L3MBTL4: variants seen among roughly 807,000 people sequenced by gnomAD.
L3MBTL4 encodes L3MBTL histone methyl-lysine binding protein 4.
In L3MBTL4, 70 loss-of-function variants were observed where a neutral mutation model predicts 84.5. That is an observed-to-expected ratio of 0.83 (90% CI 0.68 to 1.01). L3MBTL4 has a LOEUF of 1.01. Among genes scored for constraint, L3MBTL4 ranks in the 50% least tolerant of loss-of-function variants. The probability of loss-of-function intolerance (pLI) is 0.00; values close to 1 mark genes in which losing one functional copy is unlikely to be tolerated. For missense variants in L3MBTL4, 715 were observed against 754.8 expected (o/e 0.95, Z 0.62); for synonymous variants, 274 against 259.8 (o/e 1.05, Z -0.52).
chr18:6,187,876 A>AT (rs1469081767), intron 12 of L3MBTL4, among the ~76,000 whole-genome samples: 1 of 152,128 alleles, frequency 6.6e-6, no homozygotes, highest in African/African-American at 2.4e-5. Context: ...CAAAAAAAAA[A>AT]AAAAAAAGTG....
chr18:6,005,951 A>G (rs891021082), intron 16 of L3MBTL4, among the ~76,000 whole-genome samples: 2 of 152,166 alleles, frequency 1.3e-5, no homozygotes, highest in Admixed American at 1.3e-4. Context: ...TTACATTCCC[A>G]CTAGCAGTGT....
At chr18:6,391,752 A>AACTACTACTACTACTACTACTACTT (rs2055061934) in intron 1 of L3MBTL4, among the ~76,000 whole-genome samples, 2 of 150,006 alleles carry the variant, frequency 1.3e-5, no homozygotes, top group African/African-American at 5.0e-5. Context: ...CAACAACAAC[A>AACTACTACTACTACTACTACTACTT]ACTACTACTA....
chr18:5,970,923 G>C (rs1431313138), intron 16 of L3MBTL4, among the ~76,000 whole-genome samples: 1 of 152,208 alleles, frequency 6.6e-6, no homozygotes. Context: ...CACTCTCGTG[G>C]ATCGGAACAG....
rs747394140 is a variant in L3MBTL4 at position 6,213,274 on chromosome 18, A to G, written c.871-15T>C. 6.2e-6 allele frequency: 9 copies of G among 1,451,006 alleles called. No individual in the cohort carries two copies. Among genetic ancestry groups the G allele is most frequent in the East Asian group, 2.3e-5 (1 of 43,850 alleles). 89.9% of individuals were successfully genotyped at this position (1,451,006 alleles called of 1,614,324 possible). On this transcript the variant is annotated splice_polypyrimidine_tract_variant and intron_variant, in intron 11 of 18. Coordinates refer to ENST00000317931, the MANE Select transcript of L3MBTL4 (RefSeq NM_001330559.2). ...TGAGGCAACCTCTGTAAATGTTATTATAAGTACAACAAATCATGCAAAATT... is the reference window on the plus strand; with the variant it reads ...TGAGGCAACCTCTGTAAATGTTATTGTAAGTACAACAAATCATGCAAAATT...
chr18:6,066,126 A>G (rs932088002), intron 16 of L3MBTL4, among the ~76,000 whole-genome samples: 4 of 152,252 alleles, frequency 2.6e-5, no homozygotes, highest in Admixed American at 2.0e-4. Context: ...AAAATTATTC[A>G]AGAGCAAATT....
At position 6,290,508 on chromosome 18, in the gene L3MBTL4, C is replaced by T. The variant is rs556120480; in HGVS notation, c.127+11395G>A. ...GAATGACTTTAATTTTACAAGTGAACTGACTGGAATTCTTTTATTTTTTTT... is the reference window on the plus strand; with the variant it reads ...GAATGACTTTAATTTTACAAGTGAATTGACTGGAATTCTTTTATTTTTTTT... On this transcript the variant is annotated intron_variant, in intron 4 of 18. Transcript: ENST00000317931. 2.9e-4 allele frequency among the ~76,000 whole-genome samples: 44 copies of T among 151,308 alleles called. 1 individual carries two copies. The South Asian group carries it at 7.5e-3, about 26-fold the overall frequency.
chr18:6,284,124 T>G (rs531573537), intron 4 of L3MBTL4, among the ~76,000 whole-genome samples: 1 of 152,214 alleles, frequency 6.6e-6, no homozygotes, highest in Non-Finnish European at 1.5e-5. Context: ...TGTTGTTTGG[T>G]ATCATTCAAT....
rs571552470 is a variant in L3MBTL4, at chr18:6,200,081, G to A, written c.981+13068C>T. On this transcript the variant is annotated intron_variant, in intron 12 of 18. Coordinates refer to ENST00000317931, the MANE Select transcript of L3MBTL4 (RefSeq NM_001330559.2). ...GGAGTGGTAAAGAAGAGGGGTTAAG[G>A]GATATATTCACAGAGGCCACTACTG... is the stretch of plus-strand genomic sequence containing the variant. Among the ~76,000 whole-genome samples the A allele has an allele frequency of 2.0e-5, 3 of 152,262 alleles. No individual in the cohort carries two copies. The South Asian group carries it at 6.2e-4, about 32-fold the overall frequency.
chr18:6,225,660 T>G (rs1382602683), intron 10 of L3MBTL4, among the ~76,000 whole-genome samples: 6 of 150,820 alleles, frequency 4.0e-5, no homozygotes, highest in Non-Finnish European at 7.4e-5. Flanking sequence ...CTCAGGAGGC[T>G]GAGGTGGGAG....
chr18:6,234,382 C>T (rs964890707), intron 10 of L3MBTL4, among the ~76,000 whole-genome samples: 7 of 152,120 alleles, frequency 4.6e-5, no homozygotes, highest in African/African-American at 1.7e-4. Flanking sequence ...AACAGGCAAC[C>T]TACAGAATGG....
At chr18:6,317,684 G>A (rs950065459) in intron 1 of L3MBTL4, among the ~76,000 whole-genome samples, 4 of 152,164 alleles carry the variant, frequency 2.6e-5, no homozygotes, top group African/African-American at 9.7e-5. Context: ...ATTACTTGAT[G>A]GAATAATAGA....
chr18:6,060,674 T>A (rs767784295), intron 16 of L3MBTL4, among the ~76,000 whole-genome samples: 3 of 152,138 alleles, frequency 2.0e-5, no homozygotes, highest in Non-Finnish European at 4.4e-5. Context: ...ATGACATGTA[T>A]CCACTATTGT....
chr18:6,383,607 G>A (rs2054690142), intron 1 of L3MBTL4, among the ~76,000 whole-genome samples: 1 of 152,140 alleles, frequency 6.6e-6, no homozygotes, highest in Non-Finnish European at 1.5e-5. Flanking sequence ...GCGACGCCCT[G>A]CCCTGTTTCG....
chr18:6,185,022 G>T (rs1161357670), intron 12 of L3MBTL4, among the ~76,000 whole-genome samples: 1 of 152,206 alleles, frequency 6.6e-6, no homozygotes, highest in Non-Finnish European at 1.5e-5. Context: ...AGGAAAAGAA[G>T]CAGGGTTTTG....
intron 4 of L3MBTL4, among the ~76,000 whole-genome samples, chr18:6,277,070 A>G (rs1225100083): frequency 7.1e-6 from 1 of 141,606 alleles, no homozygotes; most frequent in Admixed American, 7.8e-5. Flanking sequence ...CTTACCCTAG[A>G]GTGTTTATTA....
At chr18:6,244,754 T>C (rs943488905) in intron 5 of L3MBTL4, among the ~76,000 whole-genome samples, 166 bp from the exon 6 acceptor site, 2 of 152,170 alleles carry the variant, frequency 1.3e-5, no homozygotes, top group South Asian at 4.1e-4. Flanking sequence ...GGGGAGATGC[T>C]GGTCAAAGGG....
intron 1 of L3MBTL4, among the ~76,000 whole-genome samples, chr18:6,374,992 T>A (rs2054308416): frequency 6.6e-6 from 1 of 152,156 alleles, no homozygotes; most frequent in Admixed American, 6.5e-5. Flanking sequence ...CCCAATAGTA[T>A]GAAAAAATAT....
In L3MBTL4 at chr18:6,093,343, G is replaced by A. The variant is rs2058520359; in HGVS notation, c.1373+12C>T. 1 of 1,582,018 alleles carries A rather than the reference G, an allele frequency of 6.3e-7. No individual in the cohort carries two copies. Among genetic ancestry groups the A allele is most frequent in the Admixed American group, 1.9e-5 (1 of 52,970 alleles). ...TTTACTTTCTGGCTCACATTTTTAA[G>A]AAGTTTCTTACCTGGGCTGACTGTT... On this transcript the variant is annotated intron_variant, in intron 15 of 18. Transcript: ENST00000317931.
chr18:6,247,344 G>A (rs950596610), intron 5 of L3MBTL4, among the ~76,000 whole-genome samples: 2 of 151,974 alleles, frequency 1.3e-5, no homozygotes, highest in African/African-American at 4.8e-5. Context: ...CCAGTCTAGG[G>A]TCGGATGTTA....
Sources: allele counts gnomAD v4.1 joint callset (sites outside exome capture counted in the v4.1 genomes callset), GRCh38; gene constraint gnomAD v4.1.1; transcripts MANE v1.5; gene names NCBI Gene and HGNC (gene_info 2026-07-23, HGNC 2026-07-21).